The following JHY variants were observed in gnomAD, a reference collection of about 807,000 sequenced individuals.
JHY encodes the protein jhy protein homolog.
A neutral mutation model predicts 78.0 loss-of-function variants in JHY; 69 were observed. The observed-to-expected ratio is 0.88, with a 90% CI of 0.73 to 1.08. The LOEUF is 1.08. JHY is among the 50% of genes least tolerant of loss of function. The pLI is 0.00. For missense variants in JHY, 944 were observed against 927.8 expected (o/e 1.02, Z -0.23); for synonymous variants, 368 against 342.6 (o/e 1.07, Z -0.82).
At chr11:122,925,158 T>C in intron 4 of JHY, 148 bp downstream of exon 4, 1 of 648,110 alleles carries the variant, frequency 1.5e-6, no homozygotes, top group East Asian at 3.0e-5. Flanking sequence ...TGGCTTCTGC[T>C]CAGAGGAGCC....
rs1863262351 is a variant in JHY at position 122,917,757 on chromosome 11, T to A, written c.865-7140T>A. Among the ~76,000 whole-genome samples the A allele has an allele frequency of 6.6e-6, 1 of 152,236 alleles. No homozygotes were observed. Among genetic ancestry groups the A allele is most frequent in the African/African-American group, 2.4e-5 (1 of 41,470 alleles). ...AATGTGTCCATTCAGAGGTCACACT[T>A]ACATATTCTTAGTTAGTTATGGAGA... On this transcript the variant is annotated intron_variant, in intron 3 of 8. Coordinates refer to ENST00000227349, the MANE Select transcript of JHY (RefSeq NM_024806.4). This position sits in a 1 kb window ranked among gnomAD's most constrained non-coding sequence, Gnocchi z 4.1.
At position 122,946,771 on chromosome 11, in the gene JHY, T is replaced by C; in HGVS notation, c.1908T>C (p.His636=). The change falls in exon 6 of 9, where the codon CAT becomes CAC. Residue 636 remains histidine, a synonymous_variant. Transcript: ENST00000227349. ...TTCAACTGGAAAAGGGAAAAAAGCA[T>C]AAGAAAAGAAGCAGCAGTAAGGTAA... The part of the protein sequence containing the change: ...YLFQLEKGKK[H]KKRSSSKNTK... The C allele has an allele frequency of 1.2e-6, 2 of 1,612,356 alleles. No individual in the cohort carries two copies. Among genetic ancestry groups the C allele is most frequent in the South Asian group, 2.2e-5 (2 of 90,614 alleles).
chr11:122,885,692 T>G, intron 1 of JHY, 69 bp from the exon 2 acceptor site: 1 of 602,400 alleles, frequency 1.7e-6, no homozygotes, highest in Non-Finnish European at 2.9e-6. Context: ...CTCATTTAAA[T>G]ATTTGATTAA....
chr11:122,896,387 ATTACAGCTT>A (rs1240846878), intron 2 of JHY, among the ~76,000 whole-genome samples: 3 of 151,858 alleles, frequency 2.0e-5, no homozygotes, highest in Non-Finnish European at 4.4e-5. Context: ...GAGGCTAGAA[ATTACAGCTT>A]TTTCAGAAGG....
At chr11:122,901,081 ACAAACC>A (rs1463148299) in intron 2 of JHY, among the ~76,000 whole-genome samples, 1 of 152,202 alleles carries the variant, frequency 6.6e-6, no homozygotes, top group Admixed American at 6.5e-5. Context: ...GTGCACTTAC[ACAAACC>A]TAGATAGTAC....
At chr11:122,899,021 C>T (rs1238730746) in intron 2 of JHY, among the ~76,000 whole-genome samples, 1 of 152,174 alleles carries the variant, frequency 6.6e-6, no homozygotes, top group Admixed American at 6.5e-5. Flanking sequence ...CACGCCAGCA[C>T]TTCCTCCAGA....
In JHY at chr11:122,886,074, CG is replaced by C. The variant is rs1862490085; in HGVS notation, c.226del (p.Glu76ArgfsTer44). 1.2e-6 allele frequency: 2 copies of C among 1,614,052 alleles called. No homozygotes were observed. ...ACGGTATGGAGCCCGACAGCTTAGA[CG>C]AGGAGGAAAGCCCTCGATGGGGAAG... ...GNGMEPDSLD[E>X]EESPRWGSLH... On this transcript the variant is annotated frameshift_variant, in exon 2 of 9. Transcript: ENST00000227349. LOFTEE classifies it high-confidence loss of function.
intron 2 of JHY, among the ~76,000 whole-genome samples, chr11:122,892,543 T>C (rs935064221): frequency 2.6e-5 from 4 of 152,050 alleles, no homozygotes; most frequent in Non-Finnish European, 5.9e-5. Flanking sequence ...AGGATGGTCT[T>C]GATCTTCTGA....
rs1367452271 is a variant in JHY, at chr11:122,948,339, A to T, written c.1929+1547A>T. Among the ~76,000 whole-genome samples, 6 of 151,880 alleles carry T rather than the reference A, an allele frequency of 4.0e-5. No homozygotes were observed. The East Asian group carries it at 9.7e-4, about 25-fold the overall frequency. ...GTGCCTGTAATCTCAGCTACTGGGG[A>T]GGCTGAGGCAGGAAAATCACTTGAA... On this transcript the variant is annotated intron_variant, in intron 6 of 8. Transcript: ENST00000227349.
At chr11:122,950,488 A>G (rs1012527766) in intron 6 of JHY, among the ~76,000 whole-genome samples, 14 of 152,170 alleles carry the variant, frequency 9.2e-5, no homozygotes, top group African/African-American at 3.4e-4. Context: ...ACTCGGCAAG[A>G]TTTAGAGGAA....
At chr11:122,939,832 A>G (rs1165397100) in intron 5 of JHY, among the ~76,000 whole-genome samples, 1 of 152,110 alleles carries the variant, frequency 6.6e-6, no homozygotes, top group African/African-American at 2.4e-5. Flanking sequence ...GCCCCTAAGA[A>G]TAAGGACATT....
rs138660176 is a variant in JHY, at chr11:122,904,303, G to C, written c.723G>C (p.Pro241=). 474 of 1,614,100 alleles carry C rather than the reference G, an allele frequency of 2.9e-4. 3 individuals carry two copies. The African/African-American group carries it at 5.7e-3, about 20-fold the overall frequency. The part of the protein sequence containing the change: ...SSSSHNEVFL[P]GSRGPRRRKS... Reference sequence around the variant, plus strand: ...GTTCACATAACGAGGTTTTCCTGCCGGGATCACGTGGCCCTCGGCGAAGGA... The same window carrying C: ...GTTCACATAACGAGGTTTTCCTGCCCGGATCACGTGGCCCTCGGCGAAGGA... Residue 241 remains proline (P), a synonymous_variant, in exon 3 of 9, where the codon CCG becomes CCC. Coordinates refer to ENST00000227349, the MANE Select transcript of JHY (RefSeq NM_024806.4).
chr11:122,939,358 A>G (rs913912300), intron 5 of JHY, among the ~76,000 whole-genome samples: 1 of 151,760 alleles, frequency 6.6e-6, no homozygotes, highest in African/African-American at 2.4e-5. Flanking sequence ...CACCACCGCC[A>G]CTCCCACTTA....
At chr11:122,895,603 C>G (rs1862724235) in intron 2 of JHY, among the ~76,000 whole-genome samples, 1 of 152,178 alleles carries the variant, frequency 6.6e-6, no homozygotes, top group South Asian at 2.1e-4. Flanking sequence ...AACCGTCCCC[C>G]ACTCCCTTCC....
chr11:122,959,410 G>T lies in JHY; in HGVS notation c.2302G>T (p.Ala768Ser). The change falls in exon 9 of 9, where the codon GCT becomes TCT. Residue 768 changes from alanine (A) to serine (S), a missense_variant. Transcript: ENST00000227349. Reference protein sequence around the residue: ...LQNRHEREKQAVAAFKVLHIV With the variant: ...LQNRHEREKQSVAAFKVLHIV ...GAACAGACACGAAAGGGAAAAACAG[G>T]CTGTGGCTGCTTTCAAAGTCCTTCA... 6.2e-7 allele frequency: 1 copy of T among 1,614,114 alleles called. No homozygotes were observed. The highest frequency in any genetic ancestry group is 8.5e-7 in the Non-Finnish European group (1 of 1,179,988).
rs190534726 is a variant in JHY at position 122,910,344 on chromosome 11, G to A, written c.864+5900G>A. ...ACAAAAATTAGCCGGGCATCGTGAC[G>A]GGTGCCTCTAATCCCAGCTACTCGG... On this transcript the variant is annotated intron_variant, in intron 3 of 8. Coordinates refer to ENST00000227349, the MANE Select transcript of JHY (RefSeq NM_024806.4). Among the ~76,000 whole-genome samples the A allele has an allele frequency of 8.9e-3, 1,346 of 152,044 alleles. 9 individuals are homozygous for A. Among genetic ancestry groups the A allele is most frequent in the Non-Finnish European group, 0.014 (976 of 67,976 alleles).
chr11:122,899,587 C>G (rs1862805231), intron 2 of JHY, among the ~76,000 whole-genome samples: 1 of 152,176 alleles, frequency 6.6e-6, no homozygotes, highest in Non-Finnish European at 1.5e-5. Flanking sequence ...TATTTATTGA[C>G]TCTTCTGTCC....
At chr11:122,915,551 C>T (rs1863216777) in intron 3 of JHY, among the ~76,000 whole-genome samples, 1 of 152,146 alleles carries the variant, frequency 6.6e-6, no homozygotes, top group African/African-American at 2.4e-5. Flanking sequence ...CTCGCCCTGT[C>T]ATCCAGGCTG....
intron 3 of JHY, among the ~76,000 whole-genome samples, 187 bp from the exon 4 acceptor site, chr11:122,924,710 A>G (rs1325597249): frequency 1.3e-5 from 2 of 152,198 alleles, no homozygotes; most frequent in South Asian, 2.1e-4. Context: ...AAGAGAAAAC[A>G]TTGTTTATTC....
Sources: gnomAD v4.1 joint callset for allele counts (sites outside exome capture counted in the v4.1 genomes callset) on GRCh38, gnomAD v4.1.1 for gene constraint, Gnocchi (gnomAD v3.1) non-coding constraint, MANE v1.5 for transcripts, NCBI Gene and HGNC (gene_info 2026-07-23, HGNC 2026-07-21) for gene names.